Variants in WDSUB1 observed in about 807,000 individuals in gnomAD.
WDSUB1 encodes the protein WD repeat, SAM and U-box domain-containing protein 1.
WDSUB1 carries 49 observed loss-of-function variants against 53.9 expected under a neutral mutation model. The ratio of observed to expected loss-of-function variants is 0.91; its 90% CI spans 0.72 to 1.15. The LOEUF (loss-of-function observed/expected upper bound fraction) is 1.15. Among genes scored for constraint, WDSUB1 ranks in the 50% most tolerant of loss-of-function variants. WDSUB1 has a pLI of 0.00. For synonymous variants in WDSUB1, 194 were observed against 200.6 expected, an observed-to-expected ratio of 0.97 and a Z score of 0.28; for missense variants, 514 against 562.0, an observed-to-expected ratio of 0.91 and a Z score of 0.86.
intron 9 of WDSUB1, among the ~76,000 whole-genome samples, chr2:159,255,991 T>C (rs1445940938): frequency 6.6e-6 from 1 of 152,168 alleles, no homozygotes; most frequent in African/African-American, 2.4e-5. Context: ...AATAAGCACA[T>C]GAAAGATGCA....
chr2:159,246,903 G>A (rs534916804), intron 10 of WDSUB1, among the ~76,000 whole-genome samples: 38 of 152,270 alleles, frequency 2.5e-4, no homozygotes, highest in Non-Finnish European at 4.7e-4. Flanking sequence ...AGGAAATGTT[G>A]GATTGGTATC....
intron 5 of WDSUB1, among the ~76,000 whole-genome samples, chr2:159,269,115 A>G (rs2061399620): frequency 6.6e-6 from 1 of 152,102 alleles, no homozygotes; most frequent in Non-Finnish European, 1.5e-5. Flanking sequence ...CAATACTTGA[A>G]GAGATAATAA....
intron 10 of WDSUB1, among the ~76,000 whole-genome samples, chr2:159,247,907 AT>A (rs1559531972): frequency 1.7e-3 from 30 of 18,028 alleles, no homozygotes; most frequent in African/African-American, 3.8e-3. Context: ...ATATATATAT[AT>A]AAATATATAT....
rs1000826983 is a variant in WDSUB1 at position 159,263,679 on chromosome 2, A to C, written c.771-3836T>G. Among the ~76,000 whole-genome samples, 132 of 152,340 alleles carry C rather than the reference A, an allele frequency of 8.7e-4. 1 individual carries two copies. Among genetic ancestry groups the C allele is most frequent in the African/African-American group, 2.9e-3 (122 of 41,580 alleles). Reference sequence around the variant, plus strand: ...TTTAGAGGAGGATGCTATGAAACATAAACCGAGTCCTCAACAACTCTTCCT... The same window carrying C: ...TTTAGAGGAGGATGCTATGAAACATCAACCGAGTCCTCAACAACTCTTCCT... On this transcript the variant is annotated intron_variant, in intron 5 of 10. Coordinates refer to ENST00000359774, the MANE Select transcript of WDSUB1 (RefSeq NM_001128212.3).
intron 10 of WDSUB1, among the ~76,000 whole-genome samples, chr2:159,247,861 G>T (rs1198919211): frequency 9.6e-6 from 1 of 104,462 alleles, no homozygotes; most frequent in East Asian, 3.1e-4. Context: ...AAACATATAA[G>T]GAAGCTGTAG....
chr2:159,249,187 T>C lies in WDSUB1; in HGVS notation c.1133-675A>G, dbSNP rs13398804. On this transcript the variant is annotated intron_variant, in intron 9 of 10. Coordinates refer to ENST00000359774, the MANE Select transcript of WDSUB1 (RefSeq NM_001128212.3). ...AAAATCATTTTTAAATATGTTTGAG[T>C]TCAAAACATAAAAATGCCATGTTAC... Among the ~76,000 whole-genome samples, 1,340 of 152,282 alleles carry C rather than the reference T, an allele frequency of 8.8e-3. 25 individuals carry two copies. The highest frequency in any genetic ancestry group is 0.031 in the African/African-American group (1,287 of 41,550).
chr2:159,257,974 A>ATT lies in WDSUB1; in HGVS notation c.814_815dup (p.Asn272LysfsTer7). 1 of 1,612,774 alleles carries ATT rather than the reference A, an allele frequency of 6.2e-7. No individual in the cohort carries two copies. Among genetic ancestry groups the ATT allele is most frequent in the Non-Finnish European group, 8.5e-7 (1 of 1,179,686 alleles). The stretch of plus-strand genomic sequence containing the variant: ...TGTGCTGAGTCAATGTGTGAAGTAT[A>ATT]TTCTCAGTATTCTGAAAAACAATAA... On this transcript the variant is annotated frameshift_variant, in exon 7 of 11. Coordinates refer to ENST00000359774, the MANE Select transcript of WDSUB1 (RefSeq NM_001128212.3). LOFTEE classifies it high-confidence loss of function.
intron 6 of WDSUB1, 60 bp from the exon 7 acceptor site, chr2:159,258,045 G>A: frequency 6.8e-7 from 1 of 1,460,668 alleles, no homozygotes; most frequent in Non-Finnish European, 9.6e-7. Context: ...TACTGATGAA[G>A]ACTCATTTGA....
Position 159,236,091 on chromosome 2 carries a change from G to A in WDSUB1, c.1373C>T (p.Thr458Ile), listed in dbSNP as rs533990623. The A allele has an allele frequency of 2.4e-5, 39 of 1,613,776 alleles. No individual in the cohort carries two copies. Among genetic ancestry groups the A allele is most frequent in the Non-Finnish European group, 7.6e-6 (9 of 1,179,948 alleles). Reference protein sequence around the residue: ...TNLVLPSAVLTPNRTLKMAIN... With the variant: ...TNLVLPSAVLIPNRTLKMAIN... ...GGCCATTTTCAGAGTCCTATTTGGT[G>A]TAAGTACCGCTGAAGGAAGAACAAG... Residue 458 changes from threonine to isoleucine, a missense_variant, in exon 11 of 11, where the codon ACA becomes ATA. By Grantham distance (89) the Thr-to-Ile change is moderately conservative. Transcript: ENST00000359774.
intron 9 of WDSUB1, among the ~76,000 whole-genome samples, chr2:159,254,389 A>G (rs2061015995): frequency 6.6e-6 from 1 of 151,940 alleles, no homozygotes; most frequent in South Asian, 2.1e-4. Flanking sequence ...GTGAGACCTC[A>G]TCTCTACAAA....
rs768513224 is a variant in WDSUB1, at chr2:159,236,152, T to A, written c.1312A>T (p.Ile438Phe). 6.2e-7 allele frequency: 1 copy of A among 1,612,562 alleles called. No homozygotes were observed. Among genetic ancestry groups the A allele is most frequent in the East Asian group, 2.2e-5 (1 of 44,856 alleles). The change falls in exon 11 of 11, where the codon ATC becomes TTC. Residue 438 changes from isoleucine (I) to phenylalanine (F), a missense_variant. Physicochemically the swap from Ile to Phe is conservative, Grantham distance 21. Transcript: ENST00000359774. Reference protein sequence around the residue: ...SYEKEAMENWISKKKRTSPMT... With the variant: ...SYEKEAMENWFSKKKRTSPMT... ...GGACTTGTACGTTTCTTTTTGCTGA[T>A]CCAATTTTCCATTGCTTCCTTTTCA...
chr2:159,258,098 A>G (rs2061109157), intron 6 of WDSUB1, 113 bp from the exon 7 acceptor site: 1 of 882,776 alleles, frequency 1.1e-6, no homozygotes, highest in Non-Finnish European at 1.8e-6. Flanking sequence ...AATATTTATT[A>G]GTAACTAACA....
intron 5 of WDSUB1, among the ~76,000 whole-genome samples, chr2:159,270,626 T>G (rs1352508841): frequency 6.6e-6 from 1 of 152,160 alleles, no homozygotes; most frequent in African/African-American, 2.4e-5. Context: ...CAACTGGATA[T>G]TCACGTAGAA....
At chr2:159,244,010 A>C (rs1056059143) in intron 10 of WDSUB1, among the ~76,000 whole-genome samples, 10 of 150,922 alleles carry the variant, frequency 6.6e-5, no homozygotes, top group Non-Finnish European at 1.0e-4. Flanking sequence ...TAATAAAGCA[A>C]TCTATCCTAT....
chr2:159,281,105 C>T (rs1327977769), intron 2 of WDSUB1, among the ~76,000 whole-genome samples: 5 of 152,144 alleles, frequency 3.3e-5, no homozygotes, highest in Non-Finnish European at 2.9e-5. Flanking sequence ...AGTTGTTGAC[C>T]AACTAGCATT....
Position 159,235,941 on chromosome 2 carries a change from C to T in WDSUB1, c.*92G>A. 3.3e-6 allele frequency: 4 copies of T among 1,199,680 alleles called. No homozygotes were observed. The highest frequency in any genetic ancestry group is 3.0e-5 in the East Asian group (1 of 33,890). The allele number at this position is 1,199,680 out of a possible 1,614,324, so 74.3% of individuals were successfully genotyped here. A position where few individuals can be genotyped will look rare whatever the true frequency, so the allele number is the denominator to read the frequency against. On this transcript the variant is annotated 3_prime_UTR_variant, in exon 11 of 11. Transcript: ENST00000359774. The stretch of plus-strand genomic sequence containing the variant: ...TAAATTTAAGAAGTTTACCTTTTTC[C>T]TGTTTTGCTTTTAATAATGTCTGAT...
intron 6 of WDSUB1, 114 bp from the exon 7 acceptor site, chr2:159,258,099 G>A: frequency 1.1e-6 from 1 of 879,166 alleles, no homozygotes; most frequent in Non-Finnish European, 1.8e-6. Flanking sequence ...ATATTTATTA[G>A]TAACTAACAT....
intron 10 of WDSUB1, among the ~76,000 whole-genome samples, chr2:159,239,234 G>C (rs373203607): frequency 1.4e-5 from 2 of 142,574 alleles, no homozygotes; most frequent in East Asian, 4.6e-4. Flanking sequence ...AGAACACCTT[G>C]GCTCAAACAA....
intron 2 of WDSUB1, among the ~76,000 whole-genome samples, chr2:159,280,631 C>T (rs1195512430): frequency 7.2e-6 from 1 of 138,212 alleles, no homozygotes; most frequent in Non-Finnish European, 1.5e-5. Flanking sequence ...GCGGAGCTTG[C>T]AGTGAGCCGA....
Sources: allele counts gnomAD v4.1 joint callset (sites outside exome capture counted in the v4.1 genomes callset), GRCh38; gene constraint gnomAD v4.1.1; transcripts MANE v1.5; gene names NCBI Gene and HGNC (gene_info 2026-07-23, HGNC 2026-07-21).